RNLS: variants seen among roughly 807,000 people sequenced by gnomAD.
RNLS encodes renalase.
A neutral mutation model predicts 39.8 loss-of-function variants in RNLS; 39 were observed. The observed-to-expected ratio is 0.98, with a 90% CI of 0.76 to 1.28. The LOEUF (loss-of-function observed/expected upper bound fraction) is 1.28, where lower values mean the gene tolerates loss of function less well. RNLS is among the 50% of genes most tolerant of loss of function. The pLI, the probability that RNLS is intolerant of heterozygous loss-of-function variation, is 0.00. For synonymous variants in RNLS, 147 were observed against 150.7 expected (o/e 0.98, Z 0.18); for missense variants, 410 against 413.3 (o/e 0.99, Z 0.07).
chr10:88,531,825 G>A (rs1847444073), intron 4 of RNLS, among the ~76,000 whole-genome samples: 1 of 152,012 alleles, frequency 6.6e-6, no homozygotes, highest in African/African-American at 2.4e-5. Flanking sequence ...GAATTTCTTT[G>A]TTCTGAGATT....
chr10:88,577,803 TCAAGAAGAAAGCA>T (rs1160525522), intron 3 of RNLS, among the ~76,000 whole-genome samples: 2 of 152,092 alleles, frequency 1.3e-5, no homozygotes, highest in Non-Finnish European at 2.9e-5. Context: ...GAACATAAGG[TCAAGAAGAAAGCA>T]TCTATTTCCT....
chr10:88,344,933 TG>T (rs1323676210), intron 5 of RNLS, among the ~76,000 whole-genome samples: 6 of 152,142 alleles, frequency 3.9e-5, no homozygotes, highest in African/African-American at 1.4e-4. Context: ...GGGAATTCAA[TG>T]TCCTGTACAG....
At chr10:88,375,928 G>A (rs1752696003) in intron 4 of RNLS, among the ~76,000 whole-genome samples, 1 of 152,092 alleles carries the variant, frequency 6.6e-6, no homozygotes, top group Non-Finnish European at 1.5e-5. Context: ...TCCAGGGGAT[G>A]GTGGCAACAC....
the RNLS span, among the ~76,000 whole-genome samples, chr10:88,260,515 A>G: frequency 6.6e-6 from 1 of 152,240 alleles, no homozygotes; most frequent in African/African-American, 2.4e-5. Flanking sequence ...AAGAACAAAT[A>G]AAGGGCAGAA....
intron 5 of RNLS, among the ~76,000 whole-genome samples, chr10:88,318,744 G>A (rs1589539070): frequency 6.6e-6 from 1 of 152,184 alleles, no homozygotes; most frequent in Non-Finnish European, 1.5e-5. Context: ...GGGAACCAAA[G>A]GAAAAAGTCT....
At chr10:88,265,244 G>A in the RNLS span, among the ~76,000 whole-genome samples, 1 of 148,930 alleles carries the variant, frequency 6.7e-6, no homozygotes, top group East Asian at 2.0e-4. Context: ...TGGCCTTATA[G>A]TATAGTTTGA....
the RNLS span, among the ~76,000 whole-genome samples, chr10:88,242,214 A>T: frequency 5.3e-5 from 8 of 152,206 alleles, no homozygotes; most frequent in Non-Finnish European, 1.2e-4. Flanking sequence ...TAAGATGCTG[A>T]CTAAACTTAC....
chr10:88,209,321 T>G, the RNLS span, among the ~76,000 whole-genome samples: 1 of 151,840 alleles, frequency 6.6e-6, no homozygotes, highest in Non-Finnish European at 1.5e-5. Flanking sequence ...TGGATTAGGG[T>G]GGGCCCTAAA....
chr10:88,487,663 A>G (rs766340748), intron 4 of RNLS, among the ~76,000 whole-genome samples: 19 of 152,202 alleles, frequency 1.2e-4, no homozygotes, highest in Admixed American at 2.6e-4. Flanking sequence ...CACTTGGAAA[A>G]TAATTTGACA....
intron 4 of RNLS, among the ~76,000 whole-genome samples, chr10:88,382,149 T>A (rs960380477): frequency 1.3e-4 from 20 of 152,140 alleles, no homozygotes; most frequent in Non-Finnish European, 2.6e-4. Flanking sequence ...GTGTTTTACA[T>A]GCCACGTTGT....
At chr10:88,299,257 A>C (rs1007092906) in intron 6 of RNLS, among the ~76,000 whole-genome samples, 1 of 152,140 alleles carries the variant, frequency 6.6e-6, no homozygotes, top group Non-Finnish European at 1.5e-5. Context: ...TTTCAAAGAC[A>C]CTGTTTTTGA....
rs1843179747 is a variant in RNLS, at chr10:88,285,181, G to A, written c.*173C>T. The stretch of plus-strand genomic sequence containing the variant: ...GTGAGGAATTTCCATTCTAGCATGG[G>A]TTGTAACTATCAAAATTACAAAATT... On this transcript the variant is annotated 3_prime_UTR_variant, in exon 7 of 7. Coordinates refer to ENST00000331772, the MANE Select transcript of RNLS (RefSeq NM_001031709.3). 3 of 1,342,064 alleles carry A rather than the reference G, an allele frequency of 2.2e-6. No homozygotes were observed. In the East Asian group the frequency reaches 8.3e-5, roughly 37 times the overall value. 83.1% of individuals were successfully genotyped at this position (1,342,064 alleles called of 1,614,324 possible). A position where few individuals can be genotyped will look rare whatever the true frequency, so the allele number is the denominator to read the frequency against.
At chr10:88,195,256 T>C in the RNLS span, among the ~76,000 whole-genome samples, 8 of 152,376 alleles carry the variant, frequency 5.3e-5, no homozygotes, top group East Asian at 1.2e-3. Context: ...TTGTAATTGC[T>C]TCTAAATTAG....
At chr10:88,381,004 C>A (rs1280813833) in intron 4 of RNLS, among the ~76,000 whole-genome samples, 3 of 152,160 alleles carry the variant, frequency 2.0e-5, no homozygotes, top group Non-Finnish European at 4.4e-5. Flanking sequence ...ACTGTTTGAT[C>A]ATTACTACAA....
At chr10:88,482,129 G>A (rs781287863) in intron 4 of RNLS, among the ~76,000 whole-genome samples, 3 of 152,020 alleles carry the variant, frequency 2.0e-5, no homozygotes, top group Non-Finnish European at 2.9e-5. Context: ...GTCGAGATGT[G>A]GATGGTTTTG....
chr10:88,300,877 A>G (rs558330005), intron 6 of RNLS, among the ~76,000 whole-genome samples: 4 of 152,298 alleles, frequency 2.6e-5, no homozygotes, highest in East Asian at 1.9e-4. Context: ...ACTTAAATAG[A>G]CCAAGTAGAT....
At chr10:88,198,733 C>T in the RNLS span, among the ~76,000 whole-genome samples, 1 of 152,134 alleles carries the variant, frequency 6.6e-6, no homozygotes, top group Non-Finnish European at 1.5e-5. Flanking sequence ...TCCCCTTCCC[C>T]TTCCACCATG....
At chr10:88,251,655 A>G in the RNLS span, among the ~76,000 whole-genome samples, 1 of 152,248 alleles carries the variant, frequency 6.6e-6, no homozygotes, top group Non-Finnish European at 1.5e-5. Flanking sequence ...CAAAAGTCAC[A>G]CATGGCCAAC....
chr10:88,363,429 T>TAC (rs141806719), intron 4 of RNLS, among the ~76,000 whole-genome samples: 2 of 151,926 alleles, frequency 1.3e-5, no homozygotes, highest in East Asian at 1.9e-4. Context: ...CAAAAACTGC[T>TAC]ACACACACAC....
Sources: gnomAD v4.1 joint callset for allele counts (sites outside exome capture counted in the v4.1 genomes callset) on GRCh38, gnomAD v4.1.1 for gene constraint, MANE v1.5 for transcripts, NCBI Gene and HGNC (gene_info 2026-07-23, HGNC 2026-07-21) for gene names.